Variants in MAG observed in about 807,000 individuals in gnomAD.
MAG encodes the protein myelin associated glycoprotein.
Under a neutral mutation model 60.7 loss-of-function variants are expected in MAG, and 30 were observed. The observed-to-expected ratio is 0.49, with a 90% confidence interval of 0.37 to 0.67. MAG has a LOEUF of 0.67. Among genes scored for constraint, MAG ranks in the 30% least tolerant of loss-of-function variants. The pLI, the probability that MAG is intolerant of heterozygous loss-of-function variation, is 0.00. For synonymous variants in MAG, 384 were observed against 376.8 expected (o/e 1.02, Z -0.22); for missense variants, 795 against 851.7 (o/e 0.93, Z 0.83).
At chr19:35,313,192 G>A in intron 10 of MAG, 98 bp from the exon 11 acceptor site, 2 of 1,333,986 alleles carry the variant, frequency 1.5e-6, no homozygotes, top group Non-Finnish European at 2.0e-6. Flanking sequence ...ATTTATTTGG[G>A]ACTGAACTCA....
At position 35,300,129 on chromosome 19, in the gene MAG, CT is replaced by C; in HGVS notation, c.713-17del. On this transcript the variant is annotated splice_polypyrimidine_tract_variant and intron_variant, in intron 5 of 10. Coordinates refer to ENST00000392213, the MANE Select transcript of MAG (RefSeq NM_002361.4). The stretch of plus-strand genomic sequence containing the variant: ...CCCCAGCACCTGCTCACTAACCTCG[CT>C]GTGTCGCGGGCCTTAGACCCCCCGG... 6.6e-7 allele frequency: 1 copy of C among 1,514,940 alleles called. No individual in the cohort carries two copies. The allele number at this position is 1,514,940 out of a possible 1,614,324, so 93.8% of individuals were successfully genotyped here.
At chr19:35,297,941 CACACACACA>C (rs2066414287) in intron 4 of MAG, among the ~76,000 whole-genome samples, 1 of 147,750 alleles carries the variant, frequency 6.8e-6, no homozygotes, top group African/African-American at 2.5e-5. Context: ...GCACATGCTA[CACACACACA>C]CCACACCAAA....
intron 10 of MAG, 114 bp from the exon 11 acceptor site, chr19:35,313,176 G>A (rs190217774): frequency 3.3e-5 from 38 of 1,162,018 alleles, no homozygotes; most frequent in South Asian, 4.2e-5. Flanking sequence ...GGAGGTTCTC[G>A]CAGGGATTTA....
chr19:35,307,077 C>G (rs12185506), intron 7 of MAG, among the ~76,000 whole-genome samples: 2,073 of 152,384 alleles, frequency 0.014, 17 homozygotes, highest in Non-Finnish European at 0.02. Flanking sequence ...CACTTTGTCA[C>G]CAGAGCACCA....
Position 35,295,923 on chromosome 19 carries a change from G to T in MAG, c.357G>T (p.Gly119=), listed in dbSNP as rs1488993860. 1 of 1,613,438 alleles carries T rather than the reference G, an allele frequency of 6.2e-7. No individual in the cohort carries two copies. ...TGGGCGGGAAGTACTACTTCCGTGG[G>T]GACCTGGGCGGCTACAACCAGTACA... ...PELGGKYYFR[G]DLGGYNQYTF... The change falls in exon 4 of 11, where the codon GGG becomes GGT. Residue 119 remains glycine (G), a synonymous_variant. Transcript: ENST00000392213. This position sits in a 1 kb window ranked among gnomAD's most constrained non-coding sequence, Gnocchi z 5.8.
chr19:35,309,727 G>GA (rs1367184300), intron 7 of MAG, 147 bp from the exon 8 acceptor site: 1 of 863,890 alleles, frequency 1.2e-6, no homozygotes, highest in African/African-American at 1.7e-5. Context: ...TCAGGACAGA[G>GA]AAAAAAGGAG....
chr19:35,312,067 T>C, intron 10 of MAG, 50 bp downstream of exon 10: 2 of 1,554,578 alleles, frequency 1.3e-6, no homozygotes, highest in Non-Finnish European at 1.8e-6. Flanking sequence ...CCAGGGACAC[T>C]GAAGGCCTGG....
rs1212843667 is a variant in MAG at position 35,302,496 on chromosome 19, G to A, written c.1019G>A (p.Gly340Glu). 1 of 1,614,090 alleles carries A rather than the reference G, an allele frequency of 6.2e-7. No individual in the cohort carries two copies. The highest frequency in any genetic ancestry group is 1.3e-5 in the African/African-American group (1 of 74,922). The stretch of plus-strand genomic sequence containing the variant: ...AACGGGACAATGGTGGCCGTAGAGG[G>A]GGAGACGGTCTCTATCTTGTGCTCC... ...TVNGTMVAVE[G>E]ETVSILCSTQ... The change falls in exon 7 of 11, where the codon GGG (glycine) becomes GAG (glutamate). Residue 340 changes from glycine to glutamate, a missense_variant. Transcript: ENST00000392213.
chr19:35,312,404 C>A, intron 10 of MAG: 2 of 1,314,188 alleles, frequency 1.5e-6, no homozygotes, highest in South Asian at 1.2e-5. Context: ...CCGTGTGTCC[C>A]TGTCAGGCGT....
chr19:35,309,999 G>T lies in MAG; in HGVS notation c.1357G>T (p.Val453Leu). Residue 453 changes from valine (V) to leucine (L), a missense_variant, in exon 8 of 11, where the codon GTG becomes TTG. Val to Leu is a conservative substitution (Grantham distance 32). Coordinates refer to ENST00000392213, the MANE Select transcript of MAG (RefSeq NM_002361.4). ...AFELPSRNVTVNESEREFVYS... is the reference protein window; with the variant it reads ...AFELPSRNVTLNESEREFVYS... ...TGAGCTGCCATCGCGCAATGTGACC[G>T]TGAACGAGAGCGAGCGGGAGTTCGT... The T allele has an allele frequency of 6.2e-7, 1 of 1,614,024 alleles. No individual in the cohort carries two copies. The highest frequency in any genetic ancestry group is 1.3e-5 in the African/African-American group (1 of 75,060).
chr19:35,299,141 G>A (rs542576196), intron 4 of MAG, among the ~76,000 whole-genome samples: 5 of 152,334 alleles, frequency 3.3e-5, no homozygotes, highest in African/African-American at 9.6e-5. Flanking sequence ...CGCTTGGGAA[G>A]TGATGAGGTG....
Position 35,306,526 on chromosome 19 carries a change from C to T in MAG, c.1232-3348C>T, listed in dbSNP as rs183317040. On this transcript the variant is annotated intron_variant, in intron 7 of 10. Coordinates refer to ENST00000392213, the MANE Select transcript of MAG (RefSeq NM_002361.4). ...GATCATCGCTCACTGCAGCCTCAACCTCCTGGGCTCAACTGATTCTCACAC... is the reference window on the plus strand; with the variant it reads ...GATCATCGCTCACTGCAGCCTCAACTTCCTGGGCTCAACTGATTCTCACAC... Among the ~76,000 whole-genome samples, 120 of 152,262 alleles carry T rather than the reference C, an allele frequency of 7.9e-4. 1 individual carries two copies. The Middle Eastern group carries it at 0.01, about 13-fold the overall frequency.
intron 10 of MAG, chr19:35,312,865 C>T (rs1196462503): frequency 6.0e-6 from 1 of 166,850 alleles, no homozygotes; most frequent in Non-Finnish European, 1.3e-5. Context: ...TGGTGAAACC[C>T]TGTCTCTACT....
chr19:35,307,229 T>C (rs2066492422), intron 7 of MAG, among the ~76,000 whole-genome samples: 1 of 152,280 alleles, frequency 6.6e-6, no homozygotes, highest in Non-Finnish European at 1.5e-5. Context: ...CAGGACTTTT[T>C]ATTCAGTAGA....
At chr19:35,300,456 A>C in intron 6 of MAG, 52 bp downstream of exon 6, 1 of 1,513,608 alleles carries the variant, frequency 6.6e-7, no homozygotes, top group Non-Finnish European at 8.8e-7. Flanking sequence ...CGAGAGATAA[A>C]GGGAAAGGGG....
chr19:35,296,002 C>T, intron 4 of MAG, 21 bp downstream of exon 4: 1 of 1,540,456 alleles, frequency 6.5e-7, no homozygotes, highest in Non-Finnish European at 8.8e-7. Flanking sequence ...AGCGGTTGTG[C>T]AGGCACCGGG....
chr19:35,298,206 C>T (rs1238661532), intron 4 of MAG, among the ~76,000 whole-genome samples: 2 of 151,352 alleles, frequency 1.3e-5, no homozygotes, highest in East Asian at 1.9e-4. Context: ...ACACACTACA[C>T]ATACATGCAC....
intron 4 of MAG, among the ~76,000 whole-genome samples, chr19:35,297,689 C>T (rs1267756420): frequency 1.4e-5 from 2 of 146,116 alleles, no homozygotes; most frequent in Non-Finnish European, 3.0e-5. Context: ...CCACACACTG[C>T]ACATGCTACC....
chr19:35,298,869 C>T (rs1019588339), intron 4 of MAG, among the ~76,000 whole-genome samples: 1 of 150,970 alleles, frequency 6.6e-6, no homozygotes, highest in Non-Finnish European at 1.5e-5. Flanking sequence ...ACAGACCACA[C>T]ACCACATACA....
Sources: allele counts gnomAD v4.1 joint callset (sites outside exome capture counted in the v4.1 genomes callset), GRCh38; gene constraint gnomAD v4.1.1; non-coding constraint Gnocchi (gnomAD v3.1); transcripts MANE v1.5; gene names NCBI Gene and HGNC (gene_info 2026-07-23, HGNC 2026-07-21).